PCDH9: variants seen among roughly 807,000 people sequenced by gnomAD.
PCDH9 encodes protocadherin-9.
PCDH9 carries 24 observed loss-of-function variants against 70.6 expected under a neutral mutation model. That is an observed-to-expected ratio of 0.34 (90% CI 0.25 to 0.48). The LOEUF (loss-of-function observed/expected upper bound fraction) is 0.48, where lower values mean the gene tolerates loss of function less well. Ranked by LOEUF, PCDH9 falls within the 20% of genes least tolerant of loss-of-function variation. The probability of loss-of-function intolerance (pLI) is 0.99; values close to 1 mark genes in which losing one functional copy is unlikely to be tolerated. For missense variants in PCDH9, 1,281 were observed against 1,503.6 expected (o/e 0.85, Z 2.45); for synonymous variants, 562 against 558.5 (o/e 1.01, Z -0.09).
chr13:66,995,995 C>T (rs548497588), intron 2 of PCDH9, among the ~76,000 whole-genome samples: 26 of 151,936 alleles, frequency 1.7e-4, no homozygotes, highest in Non-Finnish European at 2.8e-4. Flanking sequence ...GCAATTAATT[C>T]GGCTGATGGG....
intron 2 of PCDH9, among the ~76,000 whole-genome samples, chr13:67,159,929 A>G (rs1395191855): frequency 6.6e-6 from 1 of 152,038 alleles, no homozygotes; most frequent in Non-Finnish European, 1.5e-5. Context: ...TTTTTTGCAT[A>G]GTCGCTGAGA....
intron 4 of PCDH9, among the ~76,000 whole-genome samples, chr13:66,359,262 G>C (rs1293591982): frequency 6.6e-6 from 1 of 151,882 alleles, no homozygotes; most frequent in African/African-American, 2.4e-5. Flanking sequence ...CATACTAAAG[G>C]CTTCTTAGTT....
intron 2 of PCDH9, among the ~76,000 whole-genome samples, chr13:67,089,575 A>AAT (rs1287372000): frequency 7.2e-5 from 11 of 152,044 alleles, no homozygotes; most frequent in Non-Finnish European, 1.6e-4. Flanking sequence ...GAGTTTTGTG[A>AAT]ATATTTTGCA....
intron 3 of PCDH9, among the ~76,000 whole-genome samples, chr13:66,804,072 T>C (rs2080371652): frequency 6.6e-6 from 1 of 152,182 alleles, no homozygotes. Flanking sequence ...ATCAATAAAA[T>C]CCTGCTGTAA....
intron 4 of PCDH9, among the ~76,000 whole-genome samples, chr13:66,371,028 CTGAT>C (rs1457287243): frequency 6.6e-6 from 1 of 152,020 alleles, no homozygotes; most frequent in Non-Finnish European, 1.5e-5. Context: ...ACAGACATAG[CTGAT>C]TAAAACTTAA....
intron 3 of PCDH9, among the ~76,000 whole-genome samples, chr13:66,767,361 G>C (rs536086328): frequency 6.6e-6 from 1 of 152,194 alleles, no homozygotes; most frequent in East Asian, 1.9e-4. Context: ...GCAATATCCT[G>C]GCGATTTACT....
intron 2 of PCDH9, chr13:67,207,569 G>A (rs1409894240): frequency 1.3e-5 from 2 of 152,130 alleles, no homozygotes; most frequent in African/African-American, 4.8e-5. Context: ...TACTTTCAAG[G>A]CATTGCAAAC....
At chr13:66,809,731 G>T (rs1254346221) in intron 3 of PCDH9, among the ~76,000 whole-genome samples, 1 of 152,076 alleles carries the variant, frequency 6.6e-6, no homozygotes, top group African/African-American at 2.4e-5. Context: ...TGAAAGCAGG[G>T]ACTGTGTTTC....
intron 2 of PCDH9, among the ~76,000 whole-genome samples, chr13:66,934,389 A>C (rs1308334866): frequency 6.6e-6 from 1 of 151,698 alleles, no homozygotes; most frequent in Non-Finnish European, 1.5e-5. Context: ...AAAACACAAA[A>C]AATTAGCTGG....
At chr13:66,997,061 T>G (rs2084131857) in intron 2 of PCDH9, among the ~76,000 whole-genome samples, 1 of 152,170 alleles carries the variant, frequency 6.6e-6, no homozygotes, top group African/African-American at 2.4e-5. Context: ...AAGGTAATAT[T>G]ATCATATTGG....
chr13:66,745,866 A>G (rs1212824032), intron 3 of PCDH9, among the ~76,000 whole-genome samples: 1 of 152,196 alleles, frequency 6.6e-6, no homozygotes, highest in African/African-American at 2.4e-5. Flanking sequence ...GCAAGATATG[A>G]TTAGAATTTG....
intron 3 of PCDH9, among the ~76,000 whole-genome samples, chr13:66,678,014 T>C (rs972069704): frequency 1.4e-4 from 21 of 152,098 alleles, no homozygotes; most frequent in African/African-American, 4.6e-4. Context: ...TCAGAAAGAG[T>C]AATTTTCCTT....
intron 4 of PCDH9, among the ~76,000 whole-genome samples, chr13:66,524,585 G>A (rs1354430141): frequency 2.0e-5 from 3 of 151,930 alleles, no homozygotes; most frequent in Non-Finnish European, 4.4e-5. Flanking sequence ...ACATAATTTG[G>A]ACTTGCAAAA....
At chr13:67,189,594 T>C (rs2088855325) in intron 2 of PCDH9, among the ~76,000 whole-genome samples, 1 of 152,038 alleles carries the variant, frequency 6.6e-6, no homozygotes, top group Admixed American at 6.6e-5. Flanking sequence ...CTGATAAAAT[T>C]TCTTTCTAAT....
intron 4 of PCDH9, among the ~76,000 whole-genome samples, chr13:66,624,756 T>A (rs4883784): frequency 0.84 from 127,307 of 152,208 alleles, 54,336 homozygotes; most frequent in Admixed American, 0.91. Flanking sequence ...CTTAAATATA[T>A]GAAATATGCT....
intron 3 of PCDH9, among the ~76,000 whole-genome samples, chr13:66,727,692 T>C (rs1464587285): frequency 6.6e-6 from 1 of 152,134 alleles, no homozygotes. Flanking sequence ...TAAGTAAAAC[T>C]AAATTATTAT....
At chr13:67,005,169 C>T (rs1295302013) in intron 2 of PCDH9, among the ~76,000 whole-genome samples, 1 of 151,670 alleles carries the variant, frequency 6.6e-6, no homozygotes, top group Non-Finnish European at 1.5e-5. Flanking sequence ...GACATTTCTG[C>T]ATATGGGAAC....
intron 4 of PCDH9, among the ~76,000 whole-genome samples, chr13:66,622,830 C>G (rs1471787975): frequency 6.6e-6 from 1 of 152,074 alleles, no homozygotes; most frequent in African/African-American, 2.4e-5. Context: ...TGTGCTTTCT[C>G]TCTTTGGAAT....
intron 3 of PCDH9, among the ~76,000 whole-genome samples, chr13:66,691,720 C>A (rs1420610293): frequency 6.6e-6 from 1 of 152,106 alleles, no homozygotes; most frequent in East Asian, 1.9e-4. Context: ...AAATTGAGCT[C>A]TTTAGAAGAA....
Sources: allele counts gnomAD v4.1 joint callset (sites outside exome capture counted in the v4.1 genomes callset), GRCh38; gene constraint gnomAD v4.1.1; transcripts MANE v1.5; gene names NCBI Gene and HGNC (gene_info 2026-07-23, HGNC 2026-07-21).